The following TEX9 variants were observed in gnomAD, a reference collection of about 807,000 sequenced individuals.
The protein encoded by TEX9 is testis expressed 9, also known as testis-expressed protein 9.
TEX9 carries 74 observed loss-of-function variants against 59.6 expected under a neutral mutation model. The ratio of observed to expected loss-of-function variants is 1.24; its 90% CI spans 1.03 to 1.51. The LOEUF is 1.51. Ranked by LOEUF, TEX9 falls within the 40% of genes most tolerant of loss-of-function variation. TEX9 has a pLI of 0.00. For missense variants in TEX9, 522 were observed against 447.8 expected (o/e 1.17, Z -1.49); for synonymous variants, 186 against 152.2 (o/e 1.22, Z -1.64).
chr15:56,371,640 GA>G (rs1300612412), intron 2 of TEX9, among the ~76,000 whole-genome samples: 3 of 151,980 alleles, frequency 2.0e-5, no homozygotes, highest in African/African-American at 7.3e-5. Flanking sequence ...TGCTTTTTGA[GA>G]GAGTCCTATA....
chr15:56,289,692 C>A (rs1258136595), intron 1 of TEX9, among the ~76,000 whole-genome samples: 1 of 152,096 alleles, frequency 6.6e-6, no homozygotes, highest in Non-Finnish European at 1.5e-5. Flanking sequence ...GGCTCACTTG[C>A]AGTGGCAGTG....
chr15:56,456,169 AG>A, the TEX9 span, among the ~76,000 whole-genome samples: 4 of 152,106 alleles, frequency 2.6e-5, no homozygotes, highest in African/African-American at 9.7e-5. Flanking sequence ...AGGAAAGAGC[AG>A]GGGGACTGAT....
the TEX9 span, among the ~76,000 whole-genome samples, chr15:56,455,049 G>A: frequency 6.6e-6 from 1 of 152,060 alleles, no homozygotes; most frequent in Non-Finnish European, 1.5e-5. Flanking sequence ...ACCTCTAGAG[G>A]AAATGCCACT....
chr15:56,304,086 T>G (rs1430520257), intron 1 of TEX9, among the ~76,000 whole-genome samples: 1 of 152,218 alleles, frequency 6.6e-6, no homozygotes, highest in Non-Finnish European at 1.5e-5. Context: ...CTAATATCAA[T>G]TTTACTCAAA....
intron 12 of TEX9, among the ~76,000 whole-genome samples, chr15:56,432,859 T>C (rs2050634449): frequency 1.3e-5 from 2 of 152,210 alleles, no homozygotes; most frequent in Non-Finnish European, 1.5e-5. Context: ...TGTATAGTTT[T>C]AAAAGAAGTC....
intron 1 of TEX9, among the ~76,000 whole-genome samples, chr15:56,338,554 A>G (rs1207942919): frequency 7.8e-6 from 1 of 128,868 alleles, no homozygotes; most frequent in African/African-American, 2.8e-5. Context: ...GAGAACTGTA[A>G]ACCTATATTT....
intron 1 of TEX9, among the ~76,000 whole-genome samples, chr15:56,259,812 A>G (rs2682056): frequency 1 from 152,100 of 152,206 alleles, 75,997 homozygotes; most frequent in Non-Finnish European, 1. Context: ...AATCAATAAA[A>G]TAACTTTTGA....
At chr15:56,408,636 A>T (rs1245377620) in intron 9 of TEX9, 1 of 20,594 alleles carries the variant, frequency 4.9e-5, no homozygotes, top group Non-Finnish European at 7.6e-5. Context: ...GCCCTCAGCA[A>T]ACCTGCTCTC....
chr15:56,456,270 T>A, the TEX9 span: 1 of 829,370 alleles, frequency 1.2e-6, no homozygotes, highest in Non-Finnish European at 1.7e-6. Flanking sequence ...AATAAGTATT[T>A]CCAGGTAAAA....
intron 3 of TEX9, among the ~76,000 whole-genome samples, chr15:56,376,514 G>C (rs1389679672): frequency 6.6e-6 from 1 of 152,034 alleles, no homozygotes. Flanking sequence ...CATTGATGTT[G>C]AACACCTTTT....
chr15:56,322,582 G>A (rs934062548), intron 1 of TEX9, among the ~76,000 whole-genome samples: 4 of 152,156 alleles, frequency 2.6e-5, no homozygotes, highest in African/African-American at 7.2e-5. Context: ...TGTAGTACGT[G>A]TAGAAATGCT....
chr15:56,369,870 A>G (rs780478275), intron 2 of TEX9, among the ~76,000 whole-genome samples: 7 of 152,146 alleles, frequency 4.6e-5, no homozygotes, highest in Non-Finnish European at 7.3e-5. Flanking sequence ...AAAATCATCA[A>G]TTATAATTAT....
At chr15:56,278,757 C>A (rs1334278470) in intron 1 of TEX9, among the ~76,000 whole-genome samples, 1 of 151,674 alleles carries the variant, frequency 6.6e-6, no homozygotes, top group East Asian at 1.9e-4. Context: ...TTGGGTTCCT[C>A]AAAAATTCAG....
chr15:56,369,379 G>C (rs1406909147), intron 2 of TEX9, among the ~76,000 whole-genome samples: 2 of 151,034 alleles, frequency 1.3e-5, no homozygotes, highest in African/African-American at 4.9e-5. Context: ...TTTGAGACAG[G>C]GTCTCACCCT....
chr15:56,259,620 A>G (rs1436482680), intron 1 of TEX9, among the ~76,000 whole-genome samples: 3 of 152,086 alleles, frequency 2.0e-5, no homozygotes, highest in Non-Finnish European at 4.4e-5. Context: ...TACTAATACC[A>G]CACTGCATTA....
intron 1 of TEX9, among the ~76,000 whole-genome samples, chr15:56,360,375 G>A (rs994636327): frequency 6.6e-6 from 1 of 152,144 alleles, no homozygotes; most frequent in Admixed American, 6.5e-5. Flanking sequence ...TTTCTTGGAA[G>A]GTTATTGACT....
At chr15:56,458,641 T>C in the TEX9 span, among the ~76,000 whole-genome samples, 2 of 152,172 alleles carry the variant, frequency 1.3e-5, no homozygotes, top group Non-Finnish European at 2.9e-5. Flanking sequence ...TAAAAACAAC[T>C]TACATTTTTA....
chr15:56,428,484 G>T, intron 12 of TEX9: 1 of 1,354,294 alleles, frequency 7.4e-7, no homozygotes, highest in South Asian at 1.3e-5. Flanking sequence ...GTATGTGATG[G>T]ATACCCATTT....
downstream of TEX9, chr15:56,446,072 T>C (rs1415585133): frequency 6.6e-6 from 1 of 152,060 alleles, no homozygotes; most frequent in African/African-American, 2.4e-5. Flanking sequence ...GTGTCATTTA[T>C]GGTATCTATT....
Sources: allele counts gnomAD v4.1 joint callset (sites outside exome capture counted in the v4.1 genomes callset), GRCh38; gene constraint gnomAD v4.1.1; transcripts MANE v1.5; gene names NCBI Gene and HGNC (gene_info 2026-07-23, HGNC 2026-07-21).